The following SMG7 variants were observed in gnomAD, a reference collection of about 807,000 sequenced individuals.
SMG7 encodes nonsense-mediated mRNA decay factor SMG7.
In SMG7, 34 loss-of-function variants were observed where a neutral mutation model predicts 148.2. The ratio of observed to expected loss-of-function variants is 0.23; its 90% CI spans 0.17 to 0.31. SMG7 has a LOEUF of 0.31. Among genes scored for constraint, SMG7 ranks in the 10% least tolerant of loss-of-function variants. SMG7 has a pLI of 1.00. For missense variants in SMG7, 1,114 were observed against 1,408.4 expected (o/e 0.79, Z 3.35); for synonymous variants, 492 against 515.1 (o/e 0.96, Z 0.61).
chr1:183,494,856 G>A (rs1287911589), intron 1 of SMG7, among the ~76,000 whole-genome samples: 1 of 134,736 alleles, frequency 7.4e-6, no homozygotes, highest in African/African-American at 2.9e-5. Flanking sequence ...AACCTTGGGT[G>A]TCTCGCTCTG....
intron 9 of SMG7, 100 bp downstream of exon 9, chr1:183,533,426 T>C (rs1667206943): frequency 1.6e-6 from 2 of 1,286,952 alleles, no homozygotes; most frequent in African/African-American, 1.5e-5. Context: ...AAAAGCATAG[T>C]GTATTTCTTA....
At chr1:183,524,288 CATTT>C (rs1334869652) in intron 4 of SMG7, among the ~76,000 whole-genome samples, 1 of 151,902 alleles carries the variant, frequency 6.6e-6, no homozygotes, top group South Asian at 2.1e-4. Flanking sequence ...TATATTCATT[CATTT>C]GTTTATTTTG....
intron 22 of SMG7, 111 bp downstream of exon 22, chr1:183,551,301 A>T: frequency 1.0e-6 from 1 of 995,444 alleles, no homozygotes. Context: ...ACTGATACAT[A>T]GCACATATAT....
In SMG7 at chr1:183,551,880, G is replaced by A; in HGVS notation, c.3513G>A (p.Gln1171=). The A allele has an allele frequency of 6.2e-7, 1 of 1,613,764 alleles. No individual in the cohort carries two copies. The highest frequency in any genetic ancestry group is 2.2e-5 in the East Asian group (1 of 44,840). ...CTGCTCTGGAGCAGCTGTTAATGCAGCAGAAGCAGAAACAGCAACGGGGAC... is the reference window on the plus strand; with the variant it reads ...CTGCTCTGGAGCAGCTGTTAATGCAACAGAAGCAGAAACAGCAACGGGGAC... ...GPSALEQLLM[Q]QKQKQQRGQG... is the part of the protein sequence containing the mutation. Residue 1171 remains glutamine, a synonymous_variant, in exon 23 of 23, where the codon CAG becomes CAA. Transcript: ENST00000688051.
intron 1 of SMG7, chr1:183,502,202 G>T (rs752050894): frequency 6.6e-6 from 8 of 1,208,080 alleles, no homozygotes; most frequent in South Asian, 2.4e-5. Flanking sequence ...CTTCATAGGG[G>T]TTCTCTGTTA....
chr1:183,507,159 G>C (rs913825656), intron 1 of SMG7, among the ~76,000 whole-genome samples: 2 of 152,074 alleles, frequency 1.3e-5, no homozygotes, highest in African/African-American at 4.8e-5. Context: ...GATTACAGGC[G>C]TGAGCCAGTG....
chr1:183,504,859 T>G (rs1660550863), intron 1 of SMG7, among the ~76,000 whole-genome samples: 1 of 152,156 alleles, frequency 6.6e-6, no homozygotes, highest in African/African-American at 2.4e-5. Context: ...CCCCAGTATT[T>G]CCTAGTTCTA....
chr1:183,500,985 A>G (rs1174369780), intron 1 of SMG7: 1 of 152,212 alleles, frequency 6.6e-6, no homozygotes, highest in Non-Finnish European at 1.5e-5. Flanking sequence ...CAAAGTGCGC[A>G]TAGACCTGCC....
chr1:183,544,700 A>G (rs1669590357), intron 15 of SMG7, among the ~76,000 whole-genome samples: 2 of 152,180 alleles, frequency 1.3e-5, no homozygotes, highest in South Asian at 2.1e-4. Context: ...AGGAAATCCT[A>G]TCACTAAATA....
chr1:183,510,166 T>C (rs1244836634), intron 1 of SMG7, among the ~76,000 whole-genome samples: 1 of 152,192 alleles, frequency 6.6e-6, no homozygotes, highest in Admixed American at 6.5e-5. Flanking sequence ...CATAGTAAAG[T>C]ATATCCTTTG....
chr1:183,541,830 A>C (rs1475340554), intron 13 of SMG7, among the ~76,000 whole-genome samples: 8 of 152,340 alleles, frequency 5.3e-5, no homozygotes, highest in Non-Finnish European at 1.2e-4. Context: ...AAGCATGCTC[A>C]GAAAATGTAA....
At chr1:183,510,190 C>T (rs1312363199) in intron 1 of SMG7, among the ~76,000 whole-genome samples, 2 of 152,014 alleles carry the variant, frequency 1.3e-5, no homozygotes, top group East Asian at 3.8e-4. Context: ...CTTCGCAACT[C>T]AAGGACAAAA....
At chr1:183,477,452 A>ACG (rs1553230459) in intron 1 of SMG7, among the ~76,000 whole-genome samples, 7 of 147,546 alleles carry the variant, frequency 4.7e-5, no homozygotes, top group Non-Finnish European at 7.5e-5. Flanking sequence ...ACATATATAC[A>ACG]TGTGTGCATA....
intron 3 of SMG7, 183 bp from the exon 4 acceptor site, chr1:183,517,505 A>G: frequency 1.6e-6 from 1 of 642,568 alleles, no homozygotes; most frequent in East Asian, 2.8e-5. Context: ...GTTGGATTCT[A>G]CTGCATGTCT....
intron 5 of SMG7, 126 bp downstream of exon 5, chr1:183,526,893 ATAAAATG>A: frequency 1.4e-6 from 1 of 727,108 alleles, no homozygotes. Flanking sequence ...AGAAGAAACT[ATAAAATG>A]TATTCTAAGG....
At chr1:183,497,960 G>T (rs7555525) in intron 1 of SMG7, among the ~76,000 whole-genome samples, 2,795 of 152,268 alleles carry the variant, frequency 0.018, 74 homozygotes, top group African/African-American at 0.063. Flanking sequence ...TTGTCATCTG[G>T]AAGTATGGGC....
chr1:183,544,146 G>T (rs1226459382), intron 14 of SMG7, among the ~76,000 whole-genome samples: 1 of 152,012 alleles, frequency 6.6e-6, no homozygotes. Context: ...AAAATAATTA[G>T]TAAAACTAAG....
intron 11 of SMG7, 49 bp downstream of exon 11, chr1:183,537,264 A>T (rs1364513754): frequency 2.2e-6 from 3 of 1,337,202 alleles, no homozygotes; most frequent in Non-Finnish European, 1.1e-6. Flanking sequence ...TCCATCATTA[A>T]TGGTGGCTTA....
chr1:183,485,730 A>G (rs1655277630), intron 1 of SMG7, among the ~76,000 whole-genome samples: 1 of 152,232 alleles, frequency 6.6e-6, no homozygotes, highest in Admixed American at 6.5e-5. Context: ...TGACTTGGTT[A>G]TTACATAGAG....
Sources: allele counts gnomAD v4.1 joint callset (sites outside exome capture counted in the v4.1 genomes callset), GRCh38; gene constraint gnomAD v4.1.1; transcripts MANE v1.5; gene names NCBI Gene and HGNC (gene_info 2026-07-23, HGNC 2026-07-21).